COMMD3: variants seen among roughly 807,000 people sequenced by gnomAD.
COMMD3 encodes the protein COMM domain-containing protein 3.
A neutral mutation model predicts 31.2 loss-of-function variants in COMMD3; 31 were observed. The observed-to-expected ratio is 0.99, with a 90% confidence interval of 0.75 to 1.34. COMMD3 has a LOEUF of 1.34. Among genes scored for constraint, COMMD3 ranks in the 40% most tolerant of loss-of-function variants. COMMD3 has a pLI of 0.00. For synonymous variants in COMMD3, 108 were observed against 87.3 expected, an observed-to-expected ratio of 1.24 and a Z score of -1.32; for missense variants, 274 against 236.9, an observed-to-expected ratio of 1.16 and a Z score of -1.03.
rs562571031 is a variant in COMMD3, at chr10:22,318,814, A to G, written c.420A>G (p.Gln140=). ...WRLEYQIKTN[Q]LHRMYRPAYL... ...TTGTTGTGTTATTTTAGACCAATCA[A>G]CTTCATAGGATGTACAGACCTGCAT... is the stretch of plus-strand genomic sequence containing the variant. The change falls in exon 6 of 8, where the codon CAA becomes CAG. Residue 140 remains glutamine (Q), a synonymous_variant. Transcript: ENST00000376836. 13 of 1,613,978 alleles carry G rather than the reference A, an allele frequency of 8.1e-6. No homozygotes were observed. In the African/African-American group the frequency reaches 1.5e-4, roughly 18 times the overall value.
chr10:22,316,616 G>T, intron 1 of COMMD3, 60 bp downstream of exon 1: 1 of 1,421,802 alleles, frequency 7.0e-7, no homozygotes, highest in Non-Finnish European at 9.3e-7. Context: ...GCTCGGAGAA[G>T]AGGAGCCGGC....
chr10:22,320,261 TAGAC>T lies in COMMD3; in HGVS notation c.*266_*269del, dbSNP rs1179670088. ...CTTTTTCAAGTCTTCTGAAAGGAAGTAGACAGTATTACACCCTGAATAAATAAGG... is the reference window on the plus strand; with the variant it reads ...CTTTTTCAAGTCTTCTGAAAGGAAGTAGTATTACACCCTGAATAAATAAGG... On this transcript the variant is annotated 3_prime_UTR_variant, in exon 8 of 8. Transcript: ENST00000376836. 3 of 823,980 alleles carry T rather than the reference TAGAC, an allele frequency of 3.6e-6. No individual in the cohort carries two copies. Among genetic ancestry groups the T allele is most frequent in the Non-Finnish European group, 3.5e-6 (2 of 566,872 alleles). The allele number at this position is 823,980 out of a possible 1,614,324, so 51.0% of individuals were successfully genotyped here. A position where few individuals can be genotyped will look rare whatever the true frequency, so the allele number is the denominator to read the frequency against.
chr10:22,318,186 T>G lies in COMMD3; in HGVS notation c.315+18T>G, dbSNP rs1298380873. ...AATATCAGGTTACTTACTTTAAAATTTTTAATTAACAGTACTATTTTTCTT... is the reference window on the plus strand; with the variant it reads ...AATATCAGGTTACTTACTTTAAAATGTTTAATTAACAGTACTATTTTTCTT... On this transcript the variant is annotated intron_variant, in intron 3 of 7. Transcript: ENST00000376836. 6.2e-7 allele frequency: 1 copy of G among 1,603,352 alleles called. No homozygotes were observed.
chr10:22,316,453 G>T lies in COMMD3; in HGVS notation c.36G>T (p.Gln12His), dbSNP rs1588613293. Residue 12 changes from glutamine to histidine, a missense_variant, in exon 1 of 8, where the codon CAG (glutamine) becomes CAT (histidine). Coordinates refer to ENST00000376836, the MANE Select transcript of COMMD3 (RefSeq NM_012071.4). ...CGGAGTCTGTGCAGAAAGGCTTCCA[G>T]ATGCTGGCGGATCCCCGCTCCTTCG... ...ELSESVQKGF[Q>H]MLADPRSFDS... 6.4e-7 allele frequency: 1 copy of T among 1,550,980 alleles called. No homozygotes were observed. Among genetic ancestry groups the T allele is most frequent in the African/African-American group, 1.4e-5 (1 of 73,190 alleles).
rs1181402281 is a variant in COMMD3, at chr10:22,318,691, G to A, written c.389G>A (p.Trp130Ter). The A allele has an allele frequency of 6.2e-7, 1 of 1,613,418 alleles. No homozygotes were observed. ...RSLPHITDVS[W>*]RLEYQIKTNQ... is the part of the protein sequence containing the mutation. Reference sequence around the variant, plus strand: ...CTCCCTCATATAACGGATGTTTCTTGGCGCTTGGAATATCAGATAAAGGTA... The same window carrying A: ...CTCCCTCATATAACGGATGTTTCTTAGCGCTTGGAATATCAGATAAAGGTA... The change falls in exon 5 of 8, where the codon TGG (tryptophan) becomes TAG (stop). Residue 130 changes from tryptophan to a stop codon, truncating the protein, a stop_gained. Coordinates refer to ENST00000376836, the MANE Select transcript of COMMD3 (RefSeq NM_012071.4). LOFTEE classifies it high-confidence loss of function.
intron 7 of COMMD3, 151 bp downstream of exon 7, chr10:22,319,169 A>C (rs1835911704): frequency 1.2e-6 from 1 of 818,474 alleles, no homozygotes; most frequent in African/African-American, 1.7e-5. Context: ...GGGGCATCAA[A>C]AGTAGTATTT....
chr10:22,319,887 CTT>C (rs1328251811), intron 7 of COMMD3, 50 bp from the exon 8 acceptor site: 1 of 1,605,760 alleles, frequency 6.2e-7, no homozygotes, highest in African/African-American at 1.3e-5. Flanking sequence ...AGCTTGGATA[CTT>C]CTTTCCATGT....
chr10:22,318,670 CTCATA>C lies in COMMD3; in HGVS notation c.370_374del (p.His124AsnfsTer18). The C allele has an allele frequency of 1.2e-6, 2 of 1,613,084 alleles. No homozygotes were observed. Among genetic ancestry groups the C allele is most frequent in the Non-Finnish European group, 1.7e-6 (2 of 1,179,260 alleles). ...TCTTTCAGTATAGGCAGATCTCTCC[CTCATA>C]TAACGGATGTTTCTTGGCGCTTGGA... On this transcript the variant is annotated frameshift_variant, in exon 5 of 8. Transcript: ENST00000376836. LOFTEE classifies it high-confidence loss of function.
chr10:22,320,294 T>G lies in COMMD3; in HGVS notation c.*296T>G, dbSNP rs898221650. The G allele has an allele frequency of 1.8e-6, 1 of 551,464 alleles. No homozygotes were observed. The highest frequency in any genetic ancestry group is 2.9e-6 in the Non-Finnish European group (1 of 348,106). The allele number at this position is 551,464 out of a possible 1,614,324, so 34.2% of individuals were successfully genotyped here. A position where few individuals can be genotyped will look rare whatever the true frequency, so the allele number is the denominator to read the frequency against. ...ATTACACCCTGAATAAATAAGGTGT[T>G]GTTTTCCACAAAGAGTGATGATATT... On this transcript the variant is annotated 3_prime_UTR_variant, in exon 8 of 8. Transcript: ENST00000376836.
At position 22,320,083 on chromosome 10, in the gene COMMD3, G is replaced by C; in HGVS notation, c.*85G>C. 1 of 1,612,110 alleles carries C rather than the reference G, an allele frequency of 6.2e-7. No individual in the cohort carries two copies. Among genetic ancestry groups the C allele is most frequent in the Non-Finnish European group, 8.5e-7 (1 of 1,179,084 alleles). ...GCTGAACCACCGTTTGTGCGAGCTG[G>C]ATGTCCTTTTCAGTAGAAAAGAATT... is the stretch of plus-strand genomic sequence containing the variant. On this transcript the variant is annotated 3_prime_UTR_variant, in exon 8 of 8. Transcript: ENST00000376836.
Position 22,318,281 on chromosome 10 carries a change from A to G in COMMD3, c.325A>G (p.Asn109Asp). 1 of 1,602,774 alleles carries G rather than the reference A, an allele frequency of 6.2e-7. No individual in the cohort carries two copies. Among genetic ancestry groups the G allele is most frequent in the Non-Finnish European group, 8.5e-7 (1 of 1,177,254 alleles). Residue 109 changes from asparagine (N) to aspartate (D), a missense_variant, in exon 4 of 8, where the codon AAT (asparagine) becomes GAT (aspartate). Physicochemically the swap from Asn to Asp is conservative, Grantham distance 23. Coordinates refer to ENST00000376836, the MANE Select transcript of COMMD3 (RefSeq NM_012071.4). ...LFCTEYQNNKNSLEILLGSIG... is the reference protein window; with the variant it reads ...LFCTEYQNNKDSLEILLGSIG... ...TCTTTTTTCTCTCCAGAATAATAAG[A>G]ATTCCCTAGAAATCCTACTGGGAAG...
intron 6 of COMMD3, 28 bp from the exon 7 acceptor site, chr10:22,318,931 T>C: frequency 6.2e-7 from 1 of 1,611,598 alleles, no homozygotes; most frequent in Non-Finnish European, 8.5e-7. Flanking sequence ...ACAGCGTTTC[T>C]TGTTGCGTGT....
chr10:22,318,096 T>C lies in COMMD3; in HGVS notation c.252-9T>C. Reference sequence around the variant, plus strand: ...GACAGAACTTTGGCTTTTTTTTTCTTTCTTCTAGCACTTATCTAGAAGACT... The same window carrying C: ...GACAGAACTTTGGCTTTTTTTTTCTCTCTTCTAGCACTTATCTAGAAGACT... On this transcript the variant is annotated splice_polypyrimidine_tract_variant and intron_variant, in intron 2 of 7. Coordinates refer to ENST00000376836, the MANE Select transcript of COMMD3 (RefSeq NM_012071.4). The C allele has an allele frequency of 6.2e-7, 1 of 1,609,832 alleles. No individual in the cohort carries two copies. The highest frequency in any genetic ancestry group is 8.5e-7 in the Non-Finnish European group (1 of 1,178,860).
At chr10:22,318,215 C>T (rs1021283791) in intron 3 of COMMD3, 47 bp downstream of exon 3, 1 of 1,591,942 alleles carries the variant, frequency 6.3e-7, no homozygotes, top group African/African-American at 1.4e-5. Context: ...TTTTCTTTTA[C>T]TTTGTTTGTA....
Position 22,318,132 on chromosome 10 carries a change from CAG to C in COMMD3, c.284_285del (p.Glu95AlafsTer12), listed in dbSNP as rs761658527. 12 of 1,612,828 alleles carry C rather than the reference CAG, an allele frequency of 7.4e-6. No individual in the cohort carries two copies. The highest frequency in any genetic ancestry group is 3.3e-5 in the South Asian group (3 of 90,896). ...STYLEDCKFD[R>X]ERIELFCTEY... Reference sequence around the variant, plus strand: ...CTTATCTAGAAGACTGTAAATTTGACAGAGAGCGAATAGAACTGTTTTGCACG... The same window carrying C: ...CTTATCTAGAAGACTGTAAATTTGACAGAGCGAATAGAACTGTTTTGCACG... On this transcript the variant is annotated frameshift_variant, in exon 3 of 8. Coordinates refer to ENST00000376836, the MANE Select transcript of COMMD3 (RefSeq NM_012071.4). LOFTEE classifies it high-confidence loss of function.
At position 22,320,163 on chromosome 10, in the gene COMMD3, G is replaced by A. The variant is rs1835940111; in HGVS notation, c.*165G>A. 2.0e-6 allele frequency: 3 copies of A among 1,509,726 alleles called. No homozygotes were observed. Among genetic ancestry groups the A allele is most frequent in the South Asian group, 2.5e-5 (2 of 79,682 alleles). 93.5% of individuals were successfully genotyped at this position (1,509,726 alleles called of 1,614,324 possible). A position where few individuals can be genotyped will look rare whatever the true frequency, so the allele number is the denominator to read the frequency against. ...TTTGACACTTTAAAAACGTGTGAAA[G>A]GGTTAAGAGGGAAAGATACTGCCCA... On this transcript the variant is annotated 3_prime_UTR_variant, in exon 8 of 8. Transcript: ENST00000376836.
intron 1 of COMMD3, 116 bp from the exon 2 acceptor site, chr10:22,317,768 G>A (rs940272968): frequency 1.6e-5 from 16 of 993,742 alleles, no homozygotes; most frequent in Non-Finnish European, 2.2e-5. Context: ...TGTCCTTATA[G>A]TTGATGTTTT....
Position 22,318,271 on chromosome 10 carries a change from G to T in COMMD3, c.316-1G>T. On this transcript the variant is annotated splice_acceptor_variant, in intron 3 of 7. Coordinates refer to ENST00000376836, the MANE Select transcript of COMMD3 (RefSeq NM_012071.4). LOFTEE classifies it high-confidence loss of function. ...TTTCTTGCTTTCTTTTTTCTCTCCA[G>T]AATAATAAGAATTCCCTAGAAATCC... The T allele has an allele frequency of 6.2e-7, 1 of 1,601,646 alleles. No homozygotes were observed. The highest frequency in any genetic ancestry group is 1.1e-5 in the South Asian group (1 of 88,048).
Position 22,316,561 on chromosome 10 carries a change from G to GCCGCT in COMMD3, c.139+7_139+11dup. 6.5e-7 allele frequency: 1 copy of GCCGCT among 1,546,366 alleles called. No individual in the cohort carries two copies. The highest frequency in any genetic ancestry group is 8.7e-7 in the Non-Finnish European group (1 of 1,144,422). On this transcript the variant is annotated splice_donor_region_variant and intron_variant, in intron 1 of 7. Coordinates refer to ENST00000376836, the MANE Select transcript of COMMD3 (RefSeq NM_012071.4). ...AGGCGGACGAGGCCGTGTTAGGTAA[G>GCCGCT]CCGCTCGGCTCGGCTCGGAGCTGGA... is the stretch of plus-strand genomic sequence containing the variant.
Sources: allele counts gnomAD v4.1 joint callset, GRCh38; gene constraint gnomAD v4.1.1; transcripts MANE v1.5; gene names NCBI Gene and HGNC (gene_info 2026-07-23, HGNC 2026-07-21).